Variants in TMEM117 observed in about 807,000 individuals in gnomAD.
TMEM117 encodes the protein transmembrane protein 117.
Under a neutral mutation model 52.4 loss-of-function variants are expected in TMEM117, and 27 were observed. The ratio of observed to expected loss-of-function variants is 0.51; its 90% CI spans 0.38 to 0.71. TMEM117 has a LOEUF of 0.71. Ranked by LOEUF, TMEM117 falls within the 30% of genes least tolerant of loss-of-function variation. TMEM117 has a pLI of 0.00. For missense variants in TMEM117, 556 were observed against 630.5 expected (o/e 0.88, Z 1.26); for synonymous variants, 215 against 206.3 (o/e 1.04, Z -0.36).
chr12:43,843,375 C>A (rs1405274902), intron 1 of TMEM117, among the ~76,000 whole-genome samples: 3 of 152,306 alleles, frequency 2.0e-5, no homozygotes, highest in Admixed American at 1.3e-4. Context: ...TAGACATAAT[C>A]ATCCACTTAC....
At chr12:44,028,958 A>C (rs748850609) in intron 3 of TMEM117, among the ~76,000 whole-genome samples, 1 of 152,178 alleles carries the variant, frequency 6.6e-6, no homozygotes, top group Non-Finnish European at 1.5e-5. Flanking sequence ...GGTGGGGTCC[A>C]GTAACTTCTT....
chr12:44,120,109 C>T (rs763251031), intron 3 of TMEM117, among the ~76,000 whole-genome samples: 33 of 151,878 alleles, frequency 2.2e-4, no homozygotes, highest in Non-Finnish European at 4.6e-4. Flanking sequence ...TTGTCTGGTG[C>T]CCATGAAGGT....
intron 5 of TMEM117, among the ~76,000 whole-genome samples, chr12:44,235,423 A>G (rs768035034): frequency 1.5e-4 from 23 of 151,382 alleles, no homozygotes; most frequent in Non-Finnish European, 1.5e-4. Flanking sequence ...TAATGTAAAC[A>G]CTGATATACT....
chr12:44,311,797 G>GTATATATGTA (rs1950984274), intron 6 of TMEM117, among the ~76,000 whole-genome samples: 2 of 22,184 alleles, frequency 9.0e-5, no homozygotes, highest in Non-Finnish European at 3.0e-4. Flanking sequence ...GTATATATAT[G>GTATATATGTA]TATATATGTA....
At chr12:43,839,248 A>G (rs1019836416) in intron 1 of TMEM117, among the ~76,000 whole-genome samples, 26 of 152,072 alleles carry the variant, frequency 1.7e-4, no homozygotes, top group African/African-American at 6.3e-4. Context: ...CAACCAGGAA[A>G]CAGACAGGCC....
intron 4 of TMEM117, among the ~76,000 whole-genome samples, chr12:44,188,446 G>C (rs1351861724): frequency 6.6e-6 from 1 of 152,156 alleles, no homozygotes; most frequent in Non-Finnish European, 1.5e-5. Flanking sequence ...TCTAGAGTAA[G>C]TCAGCCCTAA....
intron 5 of TMEM117, among the ~76,000 whole-genome samples, chr12:44,217,168 G>A (rs532209462): frequency 2.0e-5 from 3 of 152,270 alleles, no homozygotes; most frequent in South Asian, 4.1e-4. Flanking sequence ...CAGGGGAAAT[G>A]TCAGGCAGAA....
chr12:44,375,282 T>G (rs866651877), intron 6 of TMEM117, among the ~76,000 whole-genome samples: 5 of 152,318 alleles, frequency 3.3e-5, no homozygotes, highest in Middle Eastern at 3.4e-3. Context: ...GCTGCTGATG[T>G]CTGAAAGACA....
At chr12:43,889,085 CTT>C (rs111561510) in intron 2 of TMEM117, among the ~76,000 whole-genome samples, 24 of 140,588 alleles carry the variant, frequency 1.7e-4, no homozygotes, top group Admixed American at 2.8e-4. Context: ...GCGTTGGATT[CTT>C]TTTTTTTTTT....
chr12:44,143,427 G>T, intron 3 of TMEM117, 98 bp from the exon 4 acceptor site: 2 of 800,152 alleles, frequency 2.5e-6, no homozygotes, highest in Non-Finnish European at 3.9e-6. Flanking sequence ...ACAGCTTGCT[G>T]AGAATGGGAG....
At chr12:44,278,006 C>T (rs1472890530) in intron 5 of TMEM117, among the ~76,000 whole-genome samples, 3 of 152,070 alleles carry the variant, frequency 2.0e-5, no homozygotes, top group African/African-American at 7.2e-5. Flanking sequence ...TTGTGATCTG[C>T]CTGCCTCGGC....
intron 4 of TMEM117, among the ~76,000 whole-genome samples, chr12:44,207,536 A>T (rs1053626904): frequency 2.0e-5 from 3 of 152,146 alleles, no homozygotes; most frequent in African/African-American, 7.2e-5. Flanking sequence ...ATCATAGTTC[A>T]ACATTAAATT....
intron 3 of TMEM117, among the ~76,000 whole-genome samples, chr12:43,967,153 G>T (rs556746271): frequency 5.7e-4 from 86 of 150,554 alleles, no homozygotes; most frequent in African/African-American, 2.0e-3. Flanking sequence ...TTTGAGTGAG[G>T]CGTCATTCTG....
rs555069064 is a variant in TMEM117 at position 44,320,302 on chromosome 12, C to A, written c.768+20563C>A. Among the ~76,000 whole-genome samples, 31 of 152,292 alleles carry A rather than the reference C, an allele frequency of 2.0e-4. 1 individual carries two copies. Among genetic ancestry groups the A allele is most frequent in the African/African-American group, 7.5e-4 (31 of 41,566 alleles). On this transcript the variant is annotated intron_variant, in intron 6 of 7. Transcript: ENST00000266534. Reference sequence around the variant, plus strand: ...CTCCTTTAGACTCTTATCACCTATACCTTACAGTTCATGTTACCATCAACT... The same window carrying A: ...CTCCTTTAGACTCTTATCACCTATAACTTACAGTTCATGTTACCATCAACT...
At position 44,388,668 on chromosome 12, in the gene TMEM117, A is replaced by C. The variant is rs1310897902; in HGVS notation, c.1541A>C (p.Asn514Thr). ...ACGACTTCTAAAAGTACACCTACGA[A>C]CTAGACTCGGAGATAGACTTGGAGA... ...DPTTSKSTPT[N>T] The change falls in exon 8 of 8, where the codon AAC (asparagine) becomes ACC (threonine). Residue 514 changes from asparagine (N) to threonine (T), a missense_variant. Around this residue, in one of 3 missense-constraint regions of TMEM117, gnomAD observed 206 missense variants for 211.1 expected, o/e 0.98. Coordinates refer to ENST00000266534, the MANE Select transcript of TMEM117 (RefSeq NM_032256.3). 1.2e-6 allele frequency: 2 copies of C among 1,612,394 alleles called. No individual in the cohort carries two copies. Among genetic ancestry groups the C allele is most frequent in the African/African-American group, 2.7e-5 (2 of 74,820 alleles).
chr12:44,005,484 C>A (rs1946179650), intron 3 of TMEM117, among the ~76,000 whole-genome samples: 1 of 152,182 alleles, frequency 6.6e-6, no homozygotes, highest in Admixed American at 6.5e-5. Context: ...AAAACAATTC[C>A]ATCCAGCCTT....
intron 5 of TMEM117, among the ~76,000 whole-genome samples, chr12:44,245,312 A>G (rs1179582989): frequency 1.3e-5 from 2 of 152,020 alleles, no homozygotes; most frequent in East Asian, 3.9e-4. Context: ...TAACTATGTT[A>G]ATTATTCCAA....
chr12:44,300,199 GTTAC>G (rs1950822353), intron 6 of TMEM117, among the ~76,000 whole-genome samples: 1 of 152,154 alleles, frequency 6.6e-6, no homozygotes, highest in Non-Finnish European at 1.5e-5. Flanking sequence ...TATGGAAATT[GTTAC>G]TTTCTTTCAG....
At chr12:44,261,701 A>AT (rs1300100455) in intron 5 of TMEM117, among the ~76,000 whole-genome samples, 1 of 152,230 alleles carries the variant, frequency 6.6e-6, no homozygotes, top group African/African-American at 2.4e-5. Flanking sequence ...CATTTCGCTT[A>AT]TAAAGAAAAC....
Sources: gnomAD v4.1 joint callset for allele counts (sites outside exome capture counted in the v4.1 genomes callset) on GRCh38, gnomAD v4.1.1 for gene constraint, gnomAD v4.1.1 regional missense constraint, MANE v1.5 for transcripts, NCBI Gene and HGNC (gene_info 2026-07-23, HGNC 2026-07-21) for gene names.